The following RAB12 variants were observed in gnomAD, a reference collection of about 807,000 sequenced individuals.
RAB12 encodes the protein ras-related protein Rab-12.
RAB12 carries 11 observed loss-of-function variants against 28.4 expected under a neutral mutation model. The observed-to-expected ratio is 0.39, with a 90% CI of 0.24 to 0.64. The LOEUF is 0.64. RAB12 is among the 30% of genes least tolerant of loss of function. The probability of loss-of-function intolerance (pLI) is 0.50; values close to 1 mark genes in which losing one functional copy is unlikely to be tolerated. For synonymous variants in RAB12, 138 were observed against 145.3 expected (o/e 0.95, Z 0.36); for missense variants, 276 against 351.1 (o/e 0.79, Z 1.71).
intron 5 of RAB12, among the ~76,000 whole-genome samples, chr18:8,636,645 A>T (rs982941055): frequency 2.6e-5 from 4 of 152,130 alleles, no homozygotes; most frequent in Admixed American, 2.6e-4. Flanking sequence ...TGTTTATTTG[A>T]CATTTGCTTG....
intron 1 of RAB12, among the ~76,000 whole-genome samples, chr18:8,617,682 T>C (rs1186648798): frequency 6.6e-6 from 1 of 152,152 alleles, no homozygotes; most frequent in African/African-American, 2.4e-5. Flanking sequence ...CTTAAATATA[T>C]GTTCTTAGCT....
intron 1 of RAB12, among the ~76,000 whole-genome samples, chr18:8,621,422 T>G (rs9967358): frequency 0.13 from 19,220 of 152,226 alleles, 1,400 homozygotes; most frequent in Admixed American, 0.17. Flanking sequence ...CTACTTAATG[T>G]CTGTTAGATG....
intron 2 of RAB12, among the ~76,000 whole-genome samples, chr18:8,626,248 G>A (rs1003037759): frequency 1.3e-5 from 2 of 152,198 alleles, no homozygotes; most frequent in Non-Finnish European, 2.9e-5. Context: ...CAAAGTGTTT[G>A]GCACACAAGC....
intron 2 of RAB12, among the ~76,000 whole-genome samples, chr18:8,628,867 TGTG>T (rs2096014321): frequency 6.6e-6 from 1 of 152,226 alleles, no homozygotes; most frequent in Non-Finnish European, 1.5e-5. Context: ...AGTCATTGAA[TGTG>T]AATGGAAGTG....
At chr18:8,622,846 G>A (rs1327721599) in intron 1 of RAB12, among the ~76,000 whole-genome samples, 2 of 152,114 alleles carry the variant, frequency 1.3e-5, no homozygotes, top group Admixed American at 6.5e-5. Flanking sequence ...CTACCCCCAG[G>A]CGAGTATTCT....
chr18:8,632,397 G>A (rs1249801722), intron 2 of RAB12, among the ~76,000 whole-genome samples: 2 of 152,124 alleles, frequency 1.3e-5, no homozygotes, highest in African/African-American at 2.4e-5. Context: ...TGTCAGTGCA[G>A]ACTTGAGGAG....
At chr18:8,613,666 G>C (rs561942387) in intron 1 of RAB12, among the ~76,000 whole-genome samples, 25 of 152,198 alleles carry the variant, frequency 1.6e-4, no homozygotes, top group Admixed American at 1.4e-3. Context: ...GGTTGAAATG[G>C]TTTTACCTTT....
At chr18:8,617,150 A>T (rs1598308103) in intron 1 of RAB12, among the ~76,000 whole-genome samples, 1 of 152,244 alleles carries the variant, frequency 6.6e-6, no homozygotes, top group East Asian at 1.9e-4. Context: ...CTCACAGTAT[A>T]GGCATAAATG....
intron 1 of RAB12, among the ~76,000 whole-genome samples, chr18:8,611,084 C>T (rs892743421): frequency 6.6e-6 from 1 of 152,092 alleles, no homozygotes; most frequent in Admixed American, 6.5e-5. Flanking sequence ...GAACTTACTT[C>T]CCTTAATGCT....
Position 8,609,831 on chromosome 18 carries a change from C to A in RAB12, c.392C>A (p.Pro131His), listed in dbSNP as rs1230377939. ...SGGQGRRRKQ[P>H]PRPADFKLQV... Reference sequence around the variant, plus strand: ...GGCCAGGGCCGCCGGAGGAAGCAGCCCCCCAGGCCGGCCGACTTCAAGTTG... The same window carrying A: ...GGCCAGGGCCGCCGGAGGAAGCAGCACCCCAGGCCGGCCGACTTCAAGTTG... The change falls in exon 1 of 6, where the codon CCC (proline) becomes CAC (histidine). Residue 131 changes from proline to histidine, a missense_variant. Physicochemically the swap from Pro to His is moderately conservative, Grantham distance 77 (BLOSUM62 -2). Coordinates refer to ENST00000649141, the MANE Select transcript of RAB12 (RefSeq NM_001025300.3). The A allele has an allele frequency of 1.3e-6, 2 of 1,550,442 alleles. No individual in the cohort carries two copies. Among genetic ancestry groups the A allele is most frequent in the Non-Finnish European group, 1.7e-6 (2 of 1,151,204 alleles).
At chr18:8,633,112 A>G in intron 2 of RAB12, 77 bp from the exon 3 acceptor site, 1 of 1,567,500 alleles carries the variant, frequency 6.4e-7, no homozygotes, top group Non-Finnish European at 8.8e-7. Flanking sequence ...GCAGCATATA[A>G]TCTATGTTTG....
chr18:8,630,837 A>G (rs959070281), intron 2 of RAB12, among the ~76,000 whole-genome samples: 3 of 152,198 alleles, frequency 2.0e-5, no homozygotes, highest in African/African-American at 7.2e-5. Flanking sequence ...TTGACCACCT[A>G]TTCTGTCTAG....
chr18:8,615,006 A>T (rs1598307372), intron 1 of RAB12, among the ~76,000 whole-genome samples: 1 of 152,228 alleles, frequency 6.6e-6, no homozygotes, highest in South Asian at 2.1e-4. Context: ...TGCAGGCCGC[A>T]GTCCTGTGTG....
intron 2 of RAB12, among the ~76,000 whole-genome samples, chr18:8,627,652 A>G (rs1023117565): frequency 6.6e-6 from 1 of 152,202 alleles, no homozygotes; most frequent in Non-Finnish European, 1.5e-5. Context: ...CCTAGAAATT[A>G]TTTACAGTGA....
intron 2 of RAB12, among the ~76,000 whole-genome samples, chr18:8,629,879 C>T (rs905454102): frequency 1.3e-5 from 2 of 152,168 alleles, no homozygotes; most frequent in Non-Finnish European, 2.9e-5. Context: ...CCTGTTGCCC[C>T]CCAGCTTACT....
chr18:8,638,011 G>GGA (rs1189570712), intron 5 of RAB12, 138 bp from the exon 6 acceptor site: 6 of 601,798 alleles, frequency 1.0e-5, no homozygotes, highest in Non-Finnish European at 1.8e-5. Context: ...TGGGGAGGCA[G>GGA]GAGAGGCAGG....
chr18:8,618,955 T>A (rs930782677), intron 1 of RAB12, among the ~76,000 whole-genome samples: 18 of 152,288 alleles, frequency 1.2e-4, no homozygotes, highest in African/African-American at 3.9e-4. Flanking sequence ...CTTAACATGT[T>A]CCTTAATTTA....
chr18:8,637,671 C>CAG (rs2096019698), intron 5 of RAB12, among the ~76,000 whole-genome samples: 1 of 152,172 alleles, frequency 6.6e-6, no homozygotes, highest in Non-Finnish European at 1.5e-5. Flanking sequence ...AGTCAGAAAT[C>CAG]TGAGTATAAC....
intron 1 of RAB12, among the ~76,000 whole-genome samples, chr18:8,623,401 T>C (rs541660506): frequency 6.6e-6 from 1 of 152,248 alleles, no homozygotes; most frequent in African/African-American, 2.4e-5. Context: ...CATCACAGAT[T>C]ATGCATTTGA....
Sources: gnomAD v4.1 joint callset for allele counts (sites outside exome capture counted in the v4.1 genomes callset) on GRCh38, gnomAD v4.1.1 for gene constraint, MANE v1.5 for transcripts, NCBI Gene and HGNC (gene_info 2026-07-23, HGNC 2026-07-21) for gene names.